The following NHS variants were observed in gnomAD, a reference collection of about 807,000 sequenced individuals.
NHS encodes actin remodeling regulator NHS.
A neutral mutation model predicts 72.5 loss-of-function variants in NHS; 5 were observed. The ratio of observed to expected loss-of-function variants is 0.07; its 90% CI spans 0.04 to 0.14. The LOEUF (loss-of-function observed/expected upper bound fraction) is 0.14, where lower values mean the gene tolerates loss of function less well. Ranked by LOEUF, NHS falls within the 10% of genes least tolerant of loss-of-function variation. The pLI, the probability that NHS is intolerant of heterozygous loss-of-function variation, is 1.00. For synonymous variants in NHS, 464 were observed against 547.7 expected (o/e 0.85, Z 2.13); for missense variants, 1,072 against 1,355.7 (o/e 0.79, Z 3.29).
At chrX:17,507,227 C>T (rs1446660752) in intron 1 of NHS, among the ~76,000 whole-genome samples, 2 of 112,225 alleles carry the variant, frequency 1.8e-5, no homozygotes, top group African/African-American at 6.5e-5. Flanking sequence ...ATATTATGGG[C>T]TTCATAAATG....
At chrX:17,570,380 T>A (rs1026328863) in intron 1 of NHS, among the ~76,000 whole-genome samples, 1 of 112,249 alleles carries the variant, frequency 8.9e-6, no homozygotes, top group Non-Finnish European at 1.9e-5. Context: ...GAAGACGTCC[T>A]TCACATTCCT....
chrX:17,606,478 A>C (rs1325692641), intron 1 of NHS, among the ~76,000 whole-genome samples: 1 of 112,057 alleles, frequency 8.9e-6, no homozygotes, highest in Non-Finnish European at 1.9e-5. Context: ...CTGACTCTTC[A>C]AACATAAGTT....
At position 17,692,551 on chromosome X, in the gene NHS, G is replaced by A. The variant is rs182265723; in HGVS notation, c.852+83G>A. ...CTGGGAGTCAGTTTCCTGCCTCCCA[G>A]TGAGAGAGGCTGGGCTGGCTAAGAG... On this transcript the variant is annotated intron_variant, in intron 3 of 8. Transcript: ENST00000676302. The A allele has an allele frequency of 7.4e-3, 8,414 of 1,129,580 alleles. 53 individuals carry two copies. The highest frequency in any genetic ancestry group is 7.8e-3 in the Non-Finnish European group (6,399 of 824,442). 93.1% of individuals were successfully genotyped at this position (1,129,580 alleles called of 1,213,427 possible).
chrX:17,415,503 G>T (rs2064588874), intron 1 of NHS, among the ~76,000 whole-genome samples: 1 of 110,985 alleles, frequency 9.0e-6, no homozygotes, highest in South Asian at 3.9e-4. Flanking sequence ...AAGCATAATT[G>T]CTCGGCAGGG....
intron 1 of NHS, among the ~76,000 whole-genome samples, chrX:17,448,314 C>G (rs1397084924): frequency 8.9e-6 from 1 of 112,332 alleles, no homozygotes; most frequent in East Asian, 2.8e-4. Flanking sequence ...CTATTTCTCT[C>G]TAGCTTGGAG....
At chrX:17,651,578 C>A (rs2065930826) in intron 1 of NHS, among the ~76,000 whole-genome samples, 1 of 111,810 alleles carries the variant, frequency 8.9e-6, no homozygotes, top group South Asian at 3.7e-4. Flanking sequence ...CCCATAGAGC[C>A]TCTGTGTTCA....
At chrX:17,390,392 C>A (rs1008349333) in intron 1 of NHS, among the ~76,000 whole-genome samples, 2 of 110,036 alleles carry the variant, frequency 1.8e-5, no homozygotes, top group Admixed American at 1.9e-4. Flanking sequence ...CCCTCCCCAC[C>A]CCTGAAGTGA....
chrX:17,532,993 A>G (rs746164156), intron 1 of NHS, among the ~76,000 whole-genome samples: 1 of 112,052 alleles, frequency 8.9e-6, no homozygotes, highest in Non-Finnish European at 1.9e-5. Context: ...TGCTGAATCT[A>G]TTGTTATGAT....
chrX:17,614,634 G>A (rs991362529), intron 1 of NHS, among the ~76,000 whole-genome samples: 1 of 109,994 alleles, frequency 9.1e-6, no homozygotes, highest in Admixed American at 9.6e-5. Context: ...TTCATTTCCA[G>A]TGTTACATGT....
At chrX:17,604,228 T>TCTCACA (rs1231744037) in intron 1 of NHS, among the ~76,000 whole-genome samples, 2 of 92,274 alleles carry the variant, frequency 2.2e-5, no homozygotes, top group African/African-American at 8.1e-5. Flanking sequence ...TATTAATAGA[T>TCTCACA]CACACACACA....
chrX:17,390,261 G>A (rs1046125401), intron 1 of NHS, among the ~76,000 whole-genome samples: 24 of 112,294 alleles, frequency 2.1e-4, no homozygotes, highest in Admixed American at 1.1e-3. Flanking sequence ...CAATATTTAT[G>A]TTTCTCTCCA....
intron 1 of NHS, among the ~76,000 whole-genome samples, chrX:17,521,222 G>A (rs1489276803): frequency 9.0e-6 from 1 of 111,354 alleles, no homozygotes; most frequent in Non-Finnish European, 1.9e-5. Flanking sequence ...GGGATGGCAG[G>A]GGCAGGGTGG....
chrX:17,492,705 C>T lies in NHS; in HGVS notation c.565+116383C>T, dbSNP rs188045556. Among the ~76,000 whole-genome samples the T allele has an allele frequency of 5.8e-3, 646 of 111,600 alleles. 8 individuals carry two copies. Among genetic ancestry groups the T allele is most frequent in the African/African-American group, 0.019 (594 of 30,684 alleles). On this transcript the variant is annotated intron_variant, in intron 1 of 8. Transcript: ENST00000676302. ...GAATATCCTTGTTAATTTTCTGTCT[C>T]GTTGATCTGTCTAATATTGACAGTG... is the stretch of plus-strand genomic sequence containing the variant.
At chrX:17,561,566 GCGCGCGCGCACA>G (rs1285934036) in intron 1 of NHS, among the ~76,000 whole-genome samples, 64 of 69,111 alleles carry the variant, frequency 9.3e-4, no homozygotes, top group African/African-American at 3.8e-3. Flanking sequence ...ATGCGCGCGC[GCGCGCGCGCACA>G]CACACACACA....
chrX:17,617,046 G>T (rs929718240), intron 1 of NHS, among the ~76,000 whole-genome samples: 2 of 112,264 alleles, frequency 1.8e-5, no homozygotes, highest in African/African-American at 6.5e-5. Context: ...TTTCTCTCCA[G>T]CCTTGCCATC....
chrX:17,519,861 G>A (rs1251720262), intron 1 of NHS, among the ~76,000 whole-genome samples: 2 of 110,662 alleles, frequency 1.8e-5, no homozygotes, highest in Middle Eastern at 4.7e-3. Flanking sequence ...TTAAAATAAG[G>A]ATGTAGGGCT....
At chrX:17,416,851 G>A (rs1236252794) in intron 1 of NHS, among the ~76,000 whole-genome samples, 1 of 108,660 alleles carries the variant, frequency 9.2e-6, no homozygotes, top group Non-Finnish European at 1.9e-5. Context: ...AGACAAACTA[G>A]GGAGTGCGTG....
At chrX:17,731,818 C>A in intron 8 of NHS, 40 bp from the exon 9 acceptor site, 1 of 1,160,576 alleles carries the variant, frequency 8.6e-7, no homozygotes, top group Non-Finnish European at 1.1e-6. Context: ...AAAACGTGAA[C>A]TGAGTGAGAT....
At chrX:17,418,216 A>G (rs1210210377) in intron 1 of NHS, among the ~76,000 whole-genome samples, 6 of 112,022 alleles carry the variant, frequency 5.4e-5, no homozygotes, top group Non-Finnish European at 9.4e-5. Context: ...AAGGTAAACA[A>G]TGAGCTAGAT....
Sources: allele counts gnomAD v4.1 joint callset (sites outside exome capture counted in the v4.1 genomes callset), GRCh38; gene constraint gnomAD v4.1.1; transcripts MANE v1.5; gene names NCBI Gene and HGNC (gene_info 2026-07-23, HGNC 2026-07-21).